NAALADL2: variants seen among roughly 807,000 people sequenced by gnomAD.
NAALADL2 encodes inactive N-acetylated-alpha-linked acidic dipeptidase-like protein 2.
NAALADL2 carries 76 observed loss-of-function variants against 87.2 expected under a neutral mutation model. That is an observed-to-expected ratio of 0.87 (90% CI 0.72 to 1.05). The LOEUF (loss-of-function observed/expected upper bound fraction) is 1.05. NAALADL2 is among the 50% of genes least tolerant of loss of function. The pLI is 0.00. For synonymous variants in NAALADL2, 354 were observed against 331.0 expected (o/e 1.07, Z -0.75); for missense variants, 1,089 against 945.8 (o/e 1.15, Z -1.99).
chr3:174,724,791 T>C (rs2108962624), intron 2 of NAALADL2, among the ~76,000 whole-genome samples: 1 of 152,340 alleles, frequency 6.6e-6, no homozygotes, highest in African/African-American at 2.4e-5. Context: ...GCACTAAATT[T>C]CCACTATTAG....
intron 2 of NAALADL2, among the ~76,000 whole-genome samples, chr3:175,155,180 G>A (rs1419026273): frequency 6.6e-6 from 1 of 152,110 alleles, no homozygotes; most frequent in East Asian, 1.9e-4. Flanking sequence ...AGGTCTCTGG[G>A]GCGGTGGGGC....
At chr3:174,795,303 T>G (rs985345973) in intron 3 of NAALADL2, among the ~76,000 whole-genome samples, 2 of 151,994 alleles carry the variant, frequency 1.3e-5, no homozygotes, top group African/African-American at 4.8e-5. Context: ...GGCCTTCTAG[T>G]CCAGCATTTT....
At chr3:175,122,913 A>C (rs189805365) in intron 2 of NAALADL2, among the ~76,000 whole-genome samples, 30 of 151,986 alleles carry the variant, frequency 2.0e-4, no homozygotes, top group Admixed American at 3.9e-4. Context: ...TCATTATTTT[A>C]TATCAGAAGG....
upstream of NAALADL2, among the ~76,000 whole-genome samples, chr3:174,858,123 ATATAT>A (rs1481441593): frequency 1.4e-5 from 2 of 148,134 alleles, no homozygotes; most frequent in Non-Finnish European, 3.0e-5. Context: ...AAATGTTTTT[ATATAT>A]TATATATTTG....
At position 174,988,015 on chromosome 3, in the gene NAALADL2, ATAAGT is replaced by A. The variant is rs140336892; in HGVS notation, c.44-108770_44-108766del. 7.5e-3 allele frequency among the ~76,000 whole-genome samples: 1,136 copies of A among 152,008 alleles called. 12 individuals are homozygous for A. The highest frequency in any genetic ancestry group is 0.025 in the African/African-American group (1,052 of 41,372). The stretch of plus-strand genomic sequence containing the variant: ...AGCAATGTATTTGATAAACTGTAAA[ATAAGT>A]TAAGAGTTAACATGTGATGAACAAA... On this transcript the variant is annotated intron_variant, in intron 1 of 13. Coordinates refer to ENST00000454872, the MANE Select transcript of NAALADL2 (RefSeq NM_207015.3).
At chr3:174,542,865 C>T (rs1269742103) in intron 1 of NAALADL2, among the ~76,000 whole-genome samples, 2 of 152,148 alleles carry the variant, frequency 1.3e-5, no homozygotes, top group Non-Finnish European at 2.9e-5. Context: ...CTGCTGGTCT[C>T]CTGCCTCATT....
In NAALADL2 at chr3:175,450,255, G is replaced by A. The variant is rs189761024; in HGVS notation, c.1234+2883G>A. ...TGTATATCAGGATGAAACATGAAAAGGATACTGAATGAGGTACTATAATTT... is the reference window on the plus strand; with the variant it reads ...TGTATATCAGGATGAAACATGAAAAAGATACTGAATGAGGTACTATAATTT... On this transcript the variant is annotated intron_variant, in intron 6 of 13. Transcript: ENST00000454872. Among the ~76,000 whole-genome samples, 165 of 152,032 alleles carry A rather than the reference G, an allele frequency of 1.1e-3. 1 individual carries two copies. Among genetic ancestry groups the A allele is most frequent in the African/African-American group, 3.7e-3 (155 of 41,480 alleles).
chr3:175,582,229 A>T (rs1487118707), intron 10 of NAALADL2, among the ~76,000 whole-genome samples: 3 of 152,154 alleles, frequency 2.0e-5, no homozygotes. Flanking sequence ...AAAAAAAAAA[A>T]AGAAGAATGG....
chr3:174,928,113 T>C (rs1340798293), intron 1 of NAALADL2, among the ~76,000 whole-genome samples: 1 of 152,130 alleles, frequency 6.6e-6, no homozygotes, highest in Admixed American at 6.5e-5. Flanking sequence ...AAAAACTGAA[T>C]GACAAAATGT....
At position 174,927,583 on chromosome 3, in the gene NAALADL2, C is replaced by G. The variant is rs151058235; in HGVS notation, c.43+68133C>G. Reference sequence around the variant, plus strand: ...TCAAAACTACTCAACTACATGGAAACTGAACAACCTGCTCCTGAATGACTA... The same window carrying G: ...TCAAAACTACTCAACTACATGGAAAGTGAACAACCTGCTCCTGAATGACTA... On this transcript the variant is annotated intron_variant, in intron 1 of 13. Transcript: ENST00000454872. Among the ~76,000 whole-genome samples the G allele has an allele frequency of 5.8e-3, 880 of 152,240 alleles. 65 individuals are homozygous for G. In the East Asian group the frequency reaches 0.14, roughly 24 times the overall value.
intron 13 of NAALADL2, among the ~76,000 whole-genome samples, chr3:175,773,849 T>A (rs1749843095): frequency 6.6e-6 from 1 of 152,156 alleles, no homozygotes; most frequent in Non-Finnish European, 1.5e-5. Flanking sequence ...AAGTGAATTC[T>A]GCCATTAAGA....
chr3:175,317,677 T>C (rs1329551905), intron 4 of NAALADL2, among the ~76,000 whole-genome samples: 1 of 152,134 alleles, frequency 6.6e-6, no homozygotes. Flanking sequence ...TCACAACAAG[T>C]AATTCTCAAA....
chr3:175,017,426 C>A (rs1750987115), intron 1 of NAALADL2, among the ~76,000 whole-genome samples: 1 of 152,032 alleles, frequency 6.6e-6, no homozygotes, highest in South Asian at 2.1e-4. Context: ...TTGAATCTGT[C>A]CAGCCAATTC....
At chr3:175,366,851 C>T (rs1765659348) in intron 5 of NAALADL2, among the ~76,000 whole-genome samples, 1 of 151,862 alleles carries the variant, frequency 6.6e-6, no homozygotes, top group Admixed American at 6.6e-5. Flanking sequence ...TGTGCAGAAG[C>T]TCTTTAGTAT....
At chr3:175,403,942 T>G (rs1230756435) in intron 5 of NAALADL2, among the ~76,000 whole-genome samples, 2 of 152,138 alleles carry the variant, frequency 1.3e-5, no homozygotes, top group African/African-American at 2.4e-5. Flanking sequence ...CACAGCTTTC[T>G]TCCAGGTCTT....
intron 5 of NAALADL2, among the ~76,000 whole-genome samples, chr3:175,405,804 A>G (rs2149074160): frequency 6.6e-6 from 1 of 152,352 alleles, no homozygotes; most frequent in South Asian, 2.1e-4. Flanking sequence ...TATGAGGTTA[A>G]GTACTATGCT....
chr3:174,487,993 T>G (rs914659344), intron 1 of NAALADL2, among the ~76,000 whole-genome samples: 1 of 151,928 alleles, frequency 6.6e-6, no homozygotes, highest in Non-Finnish European at 1.5e-5. Flanking sequence ...TTATGAGTAA[T>G]GATGAACTGA....
chr3:174,479,022 G>A (rs1044313539), intron 1 of NAALADL2, among the ~76,000 whole-genome samples: 6 of 152,112 alleles, frequency 3.9e-5, no homozygotes, highest in African/African-American at 1.2e-4. Context: ...AATTCTTTAT[G>A]TACTGCGTTC....
chr3:175,714,112 T>G (rs1239940585), intron 11 of NAALADL2, among the ~76,000 whole-genome samples: 1 of 152,206 alleles, frequency 6.6e-6, no homozygotes, highest in African/African-American at 2.4e-5. Context: ...TGCCACATTT[T>G]CTTTATCCAG....
Sources: gnomAD v4.1 joint callset for allele counts (sites outside exome capture counted in the v4.1 genomes callset) on GRCh38, gnomAD v4.1.1 for gene constraint, MANE v1.5 for transcripts, NCBI Gene and HGNC (gene_info 2026-07-23, HGNC 2026-07-21) for gene names.